The following GANC variants were observed in gnomAD, a reference collection of about 807,000 sequenced individuals.
The protein encoded by GANC is neutral alpha-glucosidase C.
Under a neutral mutation model 124.2 loss-of-function variants are expected in GANC, and 117 were observed. The ratio of observed to expected loss-of-function variants is 0.94; its 90% CI spans 0.81 to 1.10. The LOEUF (loss-of-function observed/expected upper bound fraction) is 1.10. Ranked by LOEUF, GANC falls within the 50% of genes least tolerant of loss-of-function variation. The probability of loss-of-function intolerance (pLI) is 0.00; values close to 1 mark genes in which losing one functional copy is unlikely to be tolerated. For missense variants in GANC, 1,140 were observed against 1,095.0 expected, an observed-to-expected ratio of 1.04 and a Z score of -0.58; for synonymous variants, 377 against 376.8, an observed-to-expected ratio of 1.00 and a Z score of -0.01.
At position 42,273,557 on chromosome 15, in the gene GANC, C is replaced by A; in HGVS notation, c.-925C>A. On this transcript the variant is annotated 5_prime_UTR_variant, in exon 1 of 24. In the 5' UTR this introduces an upstream ATG that the reference lacks. Transcript: ENST00000318010. Reference sequence around the variant, plus strand: ...AGCGGCCCCTCTCTCAGACAGTCGTCTGTGCGCCGTGAGACTTTGGACCTA... The same window carrying A: ...AGCGGCCCCTCTCTCAGACAGTCGTATGTGCGCCGTGAGACTTTGGACCTA... 1 of 1,317,228 alleles carries A rather than the reference C, an allele frequency of 7.6e-7. No individual in the cohort carries two copies. Among genetic ancestry groups the A allele is most frequent in the Non-Finnish European group, 1.0e-6 (1 of 981,080 alleles). 81.6% of individuals were successfully genotyped at this position (1,317,228 alleles called of 1,614,324 possible).
intron 10 of GANC, among the ~76,000 whole-genome samples, chr15:42,312,873 G>C (rs2052065973): frequency 6.6e-6 from 1 of 151,662 alleles, no homozygotes; most frequent in Non-Finnish European, 1.5e-5. Flanking sequence ...AGGCGAGGTG[G>C]AGGTTGCAGT....
In GANC at chr15:42,349,382, G is replaced by A; in HGVS notation, c.2419-1G>A. 6.3e-7 allele frequency: 1 copy of A among 1,576,792 alleles called. No homozygotes were observed. Among genetic ancestry groups the A allele is most frequent in the Non-Finnish European group, 8.7e-7 (1 of 1,146,258 alleles). On this transcript the variant is annotated splice_acceptor_variant, in intron 21 of 23. Coordinates refer to ENST00000318010, the MANE Select transcript of GANC (RefSeq NM_198141.3). LOFTEE classifies it high-confidence loss of function. ...TTCTGTCTCTGTGATTCATTCTCCAGGGTTCTTCAGTGGGTGAGTTATATC... is the reference window on the plus strand; with the variant it reads ...TTCTGTCTCTGTGATTCATTCTCCAAGGTTCTTCAGTGGGTGAGTTATATC...
Position 42,329,156 on chromosome 15 carries a change from G to C in GANC, c.1501-150G>C, listed in dbSNP as rs566388415. On this transcript the variant is annotated intron_variant, in intron 13 of 23. Coordinates refer to ENST00000318010, the MANE Select transcript of GANC (RefSeq NM_198141.3). ...TATTAATGAACAAAACAGACAAAAT[G>C]TTGTTCCCTGTGGAACTTATACTCT... 3 of 741,530 alleles carry C rather than the reference G, an allele frequency of 4.0e-6. No individual in the cohort carries two copies. In the South Asian group the frequency reaches 6.1e-5, roughly 15 times the overall value. The allele number at this position is 741,530 out of a possible 1,614,324, so 45.9% of individuals were successfully genotyped here. A position where few individuals can be genotyped will look rare whatever the true frequency, so the allele number is the denominator to read the frequency against.
At chr15:42,311,603 T>C (rs2052050267) in intron 10 of GANC, among the ~76,000 whole-genome samples, 1 of 152,130 alleles carries the variant, frequency 6.6e-6, no homozygotes. Flanking sequence ...ACAATTATGA[T>C]GGAAGGCAAA....
At chr15:42,285,396 AAAAGAAAGAAAG>A (rs535179456) in intron 3 of GANC, among the ~76,000 whole-genome samples, 3 of 152,274 alleles carry the variant, frequency 2.0e-5, no homozygotes, top group Admixed American at 2.0e-4. Flanking sequence ...GCTGATATTT[AAAAGAAAGAAAG>A]AAAGAAAGAA....
intron 21 of GANC, 37 bp downstream of exon 21, chr15:42,348,253 C>G (rs530164681): frequency 7.5e-7 from 1 of 1,340,786 alleles, no homozygotes; most frequent in Admixed American, 1.7e-5. Context: ...TGTTTCTACT[C>G]TTTCTTTACA....
At chr15:42,339,388 G>T (rs955525189) in intron 16 of GANC, among the ~76,000 whole-genome samples, 3 of 151,050 alleles carry the variant, frequency 2.0e-5, no homozygotes, top group Admixed American at 2.0e-4. Context: ...ATTTTTCAGT[G>T]TCTGGGTTAT....
chr15:42,295,687 C>G (rs919185948), intron 5 of GANC, among the ~76,000 whole-genome samples: 1 of 125,036 alleles, frequency 8.0e-6, no homozygotes, highest in Non-Finnish European at 1.8e-5. Context: ...CACACACACA[C>G]AGCGTGAACA....
intron 3 of GANC, among the ~76,000 whole-genome samples, chr15:42,287,062 T>C (rs1356352311): frequency 6.6e-6 from 1 of 152,262 alleles, no homozygotes; most frequent in Non-Finnish European, 1.5e-5. Context: ...GATTCTACAT[T>C]GTTTCCGTGT....
chr15:42,344,382 T>C lies in GANC; in HGVS notation c.2229+1228T>C, dbSNP rs556663556. ...CCACGTCACTGCAGTCTCGCCTATC[T>C]TCATGTTGCCTTTTCCTCTGTGTGT... On this transcript the variant is annotated intron_variant, in intron 19 of 23. Coordinates refer to ENST00000318010, the MANE Select transcript of GANC (RefSeq NM_198141.3). 5.3e-5 allele frequency among the ~76,000 whole-genome samples: 8 copies of C among 152,240 alleles called. No individual in the cohort carries two copies. The East Asian group carries it at 1.5e-3, about 29-fold the overall frequency.
At position 42,274,375 on chromosome 15, in the gene GANC, T is replaced by C; in HGVS notation, c.-107T>C. ...GACTCCCTTCCCAGAAACTTGACGATGAAGTACTGGTTGTAATTTTAGAAA... is the reference window on the plus strand; with the variant it reads ...GACTCCCTTCCCAGAAACTTGACGACGAAGTACTGGTTGTAATTTTAGAAA... On this transcript the variant is annotated 5_prime_UTR_variant, in exon 1 of 24. It removes an upstream start codon present in the reference 5' UTR. Transcript: ENST00000318010. 1.7e-6 allele frequency: 2 copies of C among 1,160,806 alleles called. No individual in the cohort carries two copies. Among genetic ancestry groups the C allele is most frequent in the East Asian group, 2.6e-5 (1 of 38,338 alleles). The allele number at this position is 1,160,806 out of a possible 1,614,324, so 71.9% of individuals were successfully genotyped here.
chr15:42,291,055 A>T (rs571223517), intron 4 of GANC, among the ~76,000 whole-genome samples: 1 of 151,978 alleles, frequency 6.6e-6, no homozygotes, highest in African/African-American at 2.4e-5. Context: ...CTGCCTCCAG[A>T]CCCATCATCA....
At chr15:42,276,877 A>T (rs1194533800) in intron 2 of GANC, among the ~76,000 whole-genome samples, 1 of 151,880 alleles carries the variant, frequency 6.6e-6, no homozygotes, top group Non-Finnish European at 1.5e-5. Context: ...TTTATACCAA[A>T]TAGGTTTTTT....
chr15:42,313,249 A>AACTCC lies in GANC; in HGVS notation c.1057+2404_1057+2405insCTCCA, dbSNP rs150177160. On this transcript the variant is annotated intron_variant, in intron 10 of 23. Coordinates refer to ENST00000318010, the MANE Select transcript of GANC (RefSeq NM_198141.3). The stretch of plus-strand genomic sequence containing the variant: ...ATATGTGTATCATATACAAAAAAAT[A>AACTCC]AAATGGTTCAACTATATAAGAGCTA... 1.2e-3 allele frequency among the ~76,000 whole-genome samples: 5 copies of AACTCC among 4,058 alleles called. No homozygotes were observed. The Non-Finnish European group carries it at 0.1, about 85-fold the overall frequency. The allele number at this position is 4,058 out of a possible 152,430, so 2.7% of individuals were successfully genotyped here.
intron 8 of GANC, among the ~76,000 whole-genome samples, chr15:42,309,252 T>C (rs1047277033): frequency 1.3e-4 from 20 of 152,118 alleles, no homozygotes; most frequent in African/African-American, 4.8e-4. Flanking sequence ...TGATTTCAGC[T>C]CTGTGCTCCC....
intron 23 of GANC, among the ~76,000 whole-genome samples, 163 bp from the exon 24 acceptor site, chr15:42,351,867 C>T (rs372439047): frequency 2.0e-5 from 3 of 152,122 alleles, no homozygotes; most frequent in Admixed American, 6.5e-5. Flanking sequence ...AAGTTTTCCA[C>T]GTTTCTAAAA....
intron 3 of GANC, chr15:42,281,250 G>A (rs1298680370): frequency 1.6e-6 from 1 of 627,594 alleles, no homozygotes; most frequent in Middle Eastern, 3.2e-4. Flanking sequence ...CCATTTTAAT[G>A]TCCTCCTTGT....
chr15:42,323,377 C>T (rs2052176290), intron 11 of GANC, among the ~76,000 whole-genome samples: 1 of 152,160 alleles, frequency 6.6e-6, no homozygotes, highest in Non-Finnish European at 1.5e-5. Context: ...AACTACAATA[C>T]AGGAAAGTAA....
At chr15:42,317,889 C>T (rs1011501969) in intron 10 of GANC, among the ~76,000 whole-genome samples, 2 of 152,182 alleles carry the variant, frequency 1.3e-5, no homozygotes, top group South Asian at 2.1e-4. Context: ...ACTGGATCTC[C>T]CACCATGTTC....
Sources: gnomAD v4.1 joint callset for allele counts (sites outside exome capture counted in the v4.1 genomes callset) on GRCh38, gnomAD v4.1.1 for gene constraint, MANE v1.5 for transcripts, NCBI Gene and HGNC (gene_info 2026-07-23, HGNC 2026-07-21) for gene names.